The following SH3PXD2B variants were observed in gnomAD, a reference collection of about 807,000 sequenced individuals.
SH3PXD2B encodes the protein SH3 and PX domain-containing protein 2B.
A neutral mutation model predicts 73.1 loss-of-function variants in SH3PXD2B; 37 were observed. That is an observed-to-expected ratio of 0.51 (90% CI 0.39 to 0.67). The LOEUF (loss-of-function observed/expected upper bound fraction) is 0.67, where lower values mean the gene tolerates loss of function less well. Ranked by LOEUF, SH3PXD2B falls within the 30% of genes least tolerant of loss-of-function variation. The probability of loss-of-function intolerance (pLI) is 0.00; values close to 1 mark genes in which losing one functional copy is unlikely to be tolerated. For synonymous variants in SH3PXD2B, 457 were observed against 480.5 expected (o/e 0.95, Z 0.64); for missense variants, 1,053 against 1,197.8 (o/e 0.88, Z 1.78).
At chr5:172,387,006 G>T (rs769267239) in intron 4 of SH3PXD2B, among the ~76,000 whole-genome samples, 2 of 152,220 alleles carry the variant, frequency 1.3e-5, no homozygotes, top group Non-Finnish European at 2.9e-5. Flanking sequence ...CCTCAGCACA[G>T]TAGGCAGCAA....
intron 1 of SH3PXD2B, among the ~76,000 whole-genome samples, chr5:172,444,320 C>T (rs1385423819): frequency 6.6e-6 from 1 of 152,216 alleles, no homozygotes; most frequent in Non-Finnish European, 1.5e-5. Flanking sequence ...CACGTTCTTT[C>T]CAAGACTGGG....
intron 4 of SH3PXD2B, among the ~76,000 whole-genome samples, chr5:172,389,872 GC>G (rs1355436819): frequency 1.3e-5 from 2 of 152,090 alleles, no homozygotes; most frequent in Non-Finnish European, 2.9e-5. Context: ...TCCCCACACT[GC>G]CCCCTTCTGT....
At chr5:172,451,917 C>A (rs1432447447) in intron 1 of SH3PXD2B, among the ~76,000 whole-genome samples, 1 of 152,232 alleles carries the variant, frequency 6.6e-6, no homozygotes, top group East Asian at 1.9e-4. Context: ...TGCCCCTCCT[C>A]ATCTGATGAA....
intron 3 of SH3PXD2B, among the ~76,000 whole-genome samples, chr5:172,395,385 GA>G (rs1168735569): frequency 6.6e-6 from 1 of 152,222 alleles, no homozygotes; most frequent in East Asian, 1.9e-4. Flanking sequence ...GTTCGTAAGA[GA>G]AGGGTTTTGA....
At chr5:172,432,748 CTAA>C (rs1245140150) in intron 1 of SH3PXD2B, among the ~76,000 whole-genome samples, 2 of 152,086 alleles carry the variant, frequency 1.3e-5, no homozygotes, top group Admixed American at 1.3e-4. Flanking sequence ...TCCGTTTCTA[CTAA>C]TAATACAAAA....
In SH3PXD2B at chr5:172,425,643, C is replaced by T. The variant is rs1333928276; in HGVS notation, c.76-3147G>A. ...GGCTGAGCGGGGGAGGAGGCAGCAGCTGATGACGAGGGGCTTGCAGGCCAC... is the reference window on the plus strand; with the variant it reads ...GGCTGAGCGGGGGAGGAGGCAGCAGTTGATGACGAGGGGCTTGCAGGCCAC... On this transcript the variant is annotated intron_variant, in intron 1 of 12. Transcript: ENST00000311601. Among the ~76,000 whole-genome samples, 5 of 151,842 alleles carry T rather than the reference C, an allele frequency of 3.3e-5. No homozygotes were observed. The East Asian group carries it at 9.7e-4, about 29-fold the overall frequency.
intron 11 of SH3PXD2B, 152 bp downstream of exon 11, chr5:172,347,131 G>A (rs1171879514): frequency 1.3e-6 from 1 of 769,832 alleles, no homozygotes. Context: ...CCTGCGAGTG[G>A]GACTAGCATT....
intron 3 of SH3PXD2B, among the ~76,000 whole-genome samples, chr5:172,404,205 A>C (rs1440186484): frequency 6.6e-6 from 1 of 152,162 alleles, no homozygotes; most frequent in Non-Finnish European, 1.5e-5. Flanking sequence ...TACCTGAAGA[A>C]CCCACTATGT....
At position 172,334,590 on chromosome 5, in the gene SH3PXD2B, C is replaced by T. The variant is rs1027135396; in HGVS notation, c.*3779G>A. The T allele has an allele frequency of 5.1e-6, 5 of 985,346 alleles. No individual in the cohort carries two copies. The highest frequency in any genetic ancestry group is 1.7e-5 in the African/African-American group (1 of 57,228). The allele number at this position is 985,346 out of a possible 1,614,324, so 61.0% of individuals were successfully genotyped here. A position where few individuals can be genotyped will look rare whatever the true frequency, so the allele number is the denominator to read the frequency against. On this transcript the variant is annotated 3_prime_UTR_variant, in exon 13 of 13. Transcript: ENST00000311601. ...CAGTCCAAAGAGAAAGGTACGGCCT[C>T]CAAGGGGGCAGCTTAAGCCAACATG...
Position 172,454,301 on chromosome 5 carries a change from G to A in SH3PXD2B, c.52C>T (p.Arg18Trp). The A allele has an allele frequency of 6.2e-7, 1 of 1,601,840 alleles. No individual in the cohort carries two copies. Among genetic ancestry groups the A allele is most frequent in the East Asian group, 2.3e-5 (1 of 44,060 alleles). Residue 18 changes from arginine (R) to tryptophan (W), a missense_variant, in exon 1 of 13, where the codon CGG becomes TGG. Coordinates refer to ENST00000311601, the MANE Select transcript of SH3PXD2B (RefSeq NM_001017995.3). The stretch of plus-strand genomic sequence containing the variant: ...ACATAATGCTTGTTGGGCACCCGCC[G>A]CTTCTGCACGTCTAGCACCTTCACC... ...VEVKVLDVQK[R>W]RVPNKHYVYI... is the part of the protein sequence containing the mutation.
At chr5:172,366,976 G>A (rs1173038900) in intron 6 of SH3PXD2B, among the ~76,000 whole-genome samples, 1 of 101,434 alleles carries the variant, frequency 9.9e-6, no homozygotes, top group African/African-American at 3.9e-5. Context: ...TTGCCCCATC[G>A]CCCAGGCTGG....
chr5:172,431,874 C>T (rs1759253407), intron 1 of SH3PXD2B, among the ~76,000 whole-genome samples: 1 of 151,950 alleles, frequency 6.6e-6, no homozygotes, highest in Admixed American at 6.6e-5. Context: ...TTAAAGATAC[C>T]TTATTTAGGC....
At chr5:172,371,149 G>A (rs949174207) in intron 6 of SH3PXD2B, among the ~76,000 whole-genome samples, 1 of 152,174 alleles carries the variant, frequency 6.6e-6, no homozygotes, top group Admixed American at 6.5e-5. Flanking sequence ...TCTTCATGAT[G>A]ACATGTCTTG....
At position 172,345,068 on chromosome 5, in the gene SH3PXD2B, A is replaced by AAGGAGGGAG. The variant is rs369931897; in HGVS notation, c.1188+1067_1188+1068insCTCCCTCCT. Among the ~76,000 whole-genome samples, 551 of 147,026 alleles carry AAGGAGGGAG rather than the reference A, an allele frequency of 3.7e-3. 21 individuals are homozygous for AAGGAGGGAG. The highest frequency in any genetic ancestry group is 0.013 in the African/African-American group (511 of 38,566). On this transcript the variant is annotated intron_variant, in intron 12 of 12. Coordinates refer to ENST00000311601, the MANE Select transcript of SH3PXD2B (RefSeq NM_001017995.3). ...AAGGAAAACAAAGGAAGGAGGAAGG[A>AAGGAGGGAG]GGAAGGAAGGAGGGAGGGAAGGAAA...
At chr5:172,425,984 G>A (rs1331972073) in intron 1 of SH3PXD2B, among the ~76,000 whole-genome samples, 1 of 152,104 alleles carries the variant, frequency 6.6e-6, no homozygotes, top group African/African-American at 2.4e-5. Flanking sequence ...TTGAATGACT[G>A]TCAAGGACAC....
At chr5:172,364,948 C>G (rs1482211343) in intron 6 of SH3PXD2B, among the ~76,000 whole-genome samples, 1 of 152,092 alleles carries the variant, frequency 6.6e-6, no homozygotes, top group Non-Finnish European at 1.5e-5. Flanking sequence ...AGCACAGAAG[C>G]CCCTTGTTAG....
chr5:172,429,612 G>T (rs1219905110), intron 1 of SH3PXD2B, among the ~76,000 whole-genome samples: 10 of 151,894 alleles, frequency 6.6e-5, no homozygotes, highest in Non-Finnish European at 1.5e-4. Context: ...CAAACTGGTG[G>T]TGAAGGGAGG....
chr5:172,408,534 CTTTT>C (rs34377327), intron 2 of SH3PXD2B, among the ~76,000 whole-genome samples: 19 of 92,666 alleles, frequency 2.1e-4, no homozygotes, highest in South Asian at 8.2e-4. Context: ...TGGGTTATCA[CTTTT>C]TTTTTTTTTT....
intron 3 of SH3PXD2B, among the ~76,000 whole-genome samples, chr5:172,405,232 T>C (rs980264762): frequency 2.0e-5 from 3 of 152,240 alleles, no homozygotes; most frequent in Admixed American, 2.0e-4. Context: ...CTGGTAGCCA[T>C]GTGAGGTAGG....
Sources: allele counts gnomAD v4.1 joint callset (sites outside exome capture counted in the v4.1 genomes callset), GRCh38; gene constraint gnomAD v4.1.1; transcripts MANE v1.5; gene names NCBI Gene and HGNC (gene_info 2026-07-23, HGNC 2026-07-21).